Variants in PARG observed in about 807,000 individuals in gnomAD.
PARG encodes the protein mitochondrial poly(ADP-ribose) glycohydrolase.
A neutral mutation model predicts 113.0 loss-of-function variants in PARG; 35 were observed. That is an observed-to-expected ratio of 0.31 (90% CI 0.24 to 0.41). The LOEUF (loss-of-function observed/expected upper bound fraction) is 0.41, where lower values mean the gene tolerates loss of function less well. PARG is among the 10% of genes least tolerant of loss of function. The probability of loss-of-function intolerance (pLI) is 1.00; values close to 1 mark genes in which losing one functional copy is unlikely to be tolerated. For missense variants in PARG, 797 were observed against 1,169.4 expected (o/e 0.68, Z 4.64); for synonymous variants, 330 against 409.9 (o/e 0.81, Z 2.36).
chr10:49,940,756 G>A (rs1470729300), intron 1 of PARG, among the ~76,000 whole-genome samples: 5 of 152,102 alleles, frequency 3.3e-5, no homozygotes, highest in Non-Finnish European at 5.9e-5. Flanking sequence ...TTGAGCTCCT[G>A]ACCTCAGGTG....
At chr10:49,852,518 A>G (rs1194064599) in intron 13 of PARG, among the ~76,000 whole-genome samples, 1 of 149,896 alleles carries the variant, frequency 6.7e-6, no homozygotes, top group Admixed American at 6.6e-5. Context: ...CTTTATTTAC[A>G]TTAACATTAA....
chr10:49,911,116 C>G (rs1311237625), intron 7 of PARG, among the ~76,000 whole-genome samples: 1 of 152,036 alleles, frequency 6.6e-6, no homozygotes, highest in Admixed American at 6.6e-5. Context: ...AACCCTGTCT[C>G]TACTAAAAAT....
chr10:49,925,103 T>C lies in PARG; in HGVS notation c.1456-2434A>G, dbSNP rs1271565210. Among the ~76,000 whole-genome samples the C allele has an allele frequency of 3.9e-5, 6 of 152,216 alleles. No individual in the cohort carries two copies. In the East Asian group the frequency reaches 9.7e-4, roughly 25 times the overall value. ...CTAACAAATGCCTGATGATCTGAGG[T>C]GGAACAGTTTCATTCTGAAACCATC... On this transcript the variant is annotated intron_variant, in intron 4 of 17. Coordinates refer to ENST00000616448, the MANE Select transcript of PARG (RefSeq NM_003631.5).
intron 15 of PARG, among the ~76,000 whole-genome samples, chr10:49,837,353 GTT>G (rs1168244289): frequency 6.9e-6 from 1 of 145,244 alleles, no homozygotes; most frequent in African/African-American, 2.5e-5. Context: ...AAAAATGTGG[GTT>G]TTTTTTTTTT....
intron 7 of PARG, among the ~76,000 whole-genome samples, chr10:49,886,471 T>C (rs1297204239): frequency 3.9e-5 from 6 of 152,216 alleles, no homozygotes; most frequent in African/African-American, 1.2e-4. Context: ...TTACTTCTCT[T>C]TTAAAATTAA....
At chr10:49,938,874 A>G (rs1219085471) in intron 1 of PARG, among the ~76,000 whole-genome samples, 1 of 152,166 alleles carries the variant, frequency 6.6e-6, no homozygotes, top group Non-Finnish European at 1.5e-5. Flanking sequence ...CCAAGTTCCT[A>G]AAGGAATCCC....
chr10:49,829,528 T>C (rs1554829952), intron 16 of PARG, among the ~76,000 whole-genome samples: 15 of 152,174 alleles, frequency 9.9e-5, no homozygotes. Flanking sequence ...ATAAAAAAGA[T>C]GCAGATTAAA....
chr10:49,877,050 G>T (rs1210658633), intron 9 of PARG, among the ~76,000 whole-genome samples: 3 of 148,482 alleles, frequency 2.0e-5, no homozygotes, highest in African/African-American at 7.4e-5. Flanking sequence ...ATAGTAGAGG[G>T]TAACCATATA....
Position 49,827,516 on chromosome 10 carries a change from C to T in PARG, c.2647+5287G>A, listed in dbSNP as rs144518927. ...AAAGCCCTTCCTCATCCCTCTTTTC[C>T]GCTTACCACTAGGGAGAGAAACTAA... On this transcript the variant is annotated intron_variant, in intron 16 of 17. Transcript: ENST00000616448. 5.5e-3 allele frequency among the ~76,000 whole-genome samples: 844 copies of T among 152,152 alleles called. 9 individuals are homozygous for T. Among genetic ancestry groups the T allele is most frequent in the Non-Finnish European group, 4.5e-3 (304 of 67,996 alleles).
chr10:49,827,436 C>T (rs1844414270), intron 16 of PARG, among the ~76,000 whole-genome samples: 3 of 152,140 alleles, frequency 2.0e-5, no homozygotes, highest in African/African-American at 7.2e-5. Context: ...ACGGGGAAGT[C>T]CAAGGGAGAG....
chr10:49,869,922 C>G (rs1325080753), intron 9 of PARG, among the ~76,000 whole-genome samples: 2 of 151,954 alleles, frequency 1.3e-5, no homozygotes, highest in African/African-American at 4.8e-5. Context: ...AATGTTACTA[C>G]GTAGTTTGAT....
chr10:49,831,748 C>T (rs930915300), intron 16 of PARG, among the ~76,000 whole-genome samples: 2 of 152,174 alleles, frequency 1.3e-5, no homozygotes, highest in Admixed American at 6.5e-5. Flanking sequence ...TTCTAGGCTT[C>T]GCTTTATGTG....
At chr10:49,884,636 CAGG>C (rs1265417165) in intron 8 of PARG, among the ~76,000 whole-genome samples, 2 of 150,536 alleles carry the variant, frequency 1.3e-5, no homozygotes, top group African/African-American at 4.9e-5. Flanking sequence ...GTGGCTGAGG[CAGG>C]AGAATTGCTT....
intron 16 of PARG, among the ~76,000 whole-genome samples, chr10:49,827,339 A>G (rs1844409708): frequency 6.6e-6 from 1 of 152,246 alleles, no homozygotes; most frequent in Non-Finnish European, 1.5e-5. Flanking sequence ...ATGGGGATAG[A>G]AAAGAAAATG....
intron 15 of PARG, among the ~76,000 whole-genome samples, chr10:49,833,522 G>A (rs977712422): frequency 4.6e-5 from 7 of 152,286 alleles, no homozygotes; most frequent in Admixed American, 1.3e-4. Flanking sequence ...AGATTCTCTA[G>A]TTTCACAGCT....
chr10:49,823,259 T>C (rs1464114225), intron 16 of PARG, among the ~76,000 whole-genome samples: 1 of 152,154 alleles, frequency 6.6e-6, no homozygotes, highest in South Asian at 2.1e-4. Context: ...TAAAGGTGTG[T>C]ATTTTTATTT....
intron 7 of PARG, among the ~76,000 whole-genome samples, chr10:49,899,761 G>A (rs1848265872): frequency 6.6e-6 from 1 of 150,882 alleles, no homozygotes; most frequent in African/African-American, 2.5e-5. Context: ...CTGTGCTGAG[G>A]ATCACCTTGC....
At chr10:49,903,997 C>T (rs1449097275) in intron 7 of PARG, among the ~76,000 whole-genome samples, 1 of 152,088 alleles carries the variant, frequency 6.6e-6, no homozygotes, top group African/African-American at 2.4e-5. Flanking sequence ...TTACAATATA[C>T]TAGCTGAGTC....
At chr10:49,849,260 C>T (rs1403153918) in intron 13 of PARG, among the ~76,000 whole-genome samples, 1 of 151,968 alleles carries the variant, frequency 6.6e-6, no homozygotes, top group Non-Finnish European at 1.5e-5. Flanking sequence ...ATTCAGCAAG[C>T]TGTTTTGGTA....
Sources: gnomAD v4.1 joint callset for allele counts (sites outside exome capture counted in the v4.1 genomes callset) on GRCh38, gnomAD v4.1.1 for gene constraint, MANE v1.5 for transcripts, NCBI Gene and HGNC (gene_info 2026-07-23, HGNC 2026-07-21) for gene names.